The following KAZN variants were observed in gnomAD, a reference collection of about 807,000 sequenced individuals.
The protein encoded by KAZN is kazrin.
A neutral mutation model predicts 87.4 loss-of-function variants in KAZN; 40 were observed. The ratio of observed to expected loss-of-function variants is 0.46; its 90% CI spans 0.36 to 0.60. The LOEUF is 0.60. Ranked by LOEUF, KAZN falls within the 20% of genes least tolerant of loss-of-function variation. The pLI is 0.00. For missense variants in KAZN, 898 were observed against 1,073.9 expected (o/e 0.84, Z 2.29); for synonymous variants, 466 against 458.3 (o/e 1.02, Z -0.22).
At chr1:14,297,189 T>C (rs534874423) in intron 2 of KAZN, among the ~76,000 whole-genome samples, 23 of 152,300 alleles carry the variant, frequency 1.5e-4, no homozygotes, top group African/African-American at 2.9e-4. Flanking sequence ...CAGTGGCACA[T>C]CCTTGTCAGG....
At chr1:14,103,387 A>C (rs1479625971) in intron 1 of KAZN, among the ~76,000 whole-genome samples, 1 of 152,226 alleles carries the variant, frequency 6.6e-6, no homozygotes, top group Non-Finnish European at 1.5e-5. Flanking sequence ...GAAAGGAGAC[A>C]CAATTCAGCC....
At chr1:14,535,580 C>T (rs968398525) in intron 2 of KAZN, among the ~76,000 whole-genome samples, 1 of 151,922 alleles carries the variant, frequency 6.6e-6, no homozygotes, top group Admixed American at 6.6e-5. Flanking sequence ...GCAGGAGAAT[C>T]GCTTGAACCA....
At chr1:14,739,759 A>G (rs549429205) in intron 1 of KAZN, among the ~76,000 whole-genome samples, 4 of 152,246 alleles carry the variant, frequency 2.6e-5, no homozygotes, top group African/African-American at 9.6e-5. Flanking sequence ...ATTCAAAAAA[A>G]GTGGAAAGCT....
chr1:14,507,984 A>G (rs1244374304), intron 2 of KAZN, among the ~76,000 whole-genome samples: 1 of 151,558 alleles, frequency 6.6e-6, no homozygotes, highest in Non-Finnish European at 1.5e-5. Context: ...TAAATAAAAA[A>G]AAAAAAAATG....
At chr1:14,793,867 C>G (rs916437889) in intron 1 of KAZN, among the ~76,000 whole-genome samples, 22 of 152,200 alleles carry the variant, frequency 1.4e-4, no homozygotes, top group African/African-American at 5.3e-4. Flanking sequence ...CCGGGTGGCT[C>G]CTCCTCTGGC....
At chr1:15,036,617 G>A (rs988670011) in intron 3 of KAZN, among the ~76,000 whole-genome samples, 4 of 152,072 alleles carry the variant, frequency 2.6e-5, no homozygotes. Context: ...TGGGCCTGGG[G>A]TCCGCTCCTT....
At chr1:14,926,732 G>C (rs1659209387) in intron 1 of KAZN, among the ~76,000 whole-genome samples, 1 of 152,208 alleles carries the variant, frequency 6.6e-6, no homozygotes, top group Non-Finnish European at 1.5e-5. Context: ...AAAGCTGCAA[G>C]CTGAACTTGT....
At chr1:14,932,485 GC>G (rs1381202775) in intron 1 of KAZN, among the ~76,000 whole-genome samples, 1 of 152,200 alleles carries the variant, frequency 6.6e-6, no homozygotes, top group Non-Finnish European at 1.5e-5. Flanking sequence ...CTGCATGGTA[GC>G]CCCTGGGCTT....
chr1:14,950,492 G>A (rs545989399), intron 1 of KAZN, among the ~76,000 whole-genome samples: 4 of 152,258 alleles, frequency 2.6e-5, no homozygotes, highest in African/African-American at 7.2e-5. Flanking sequence ...ACCTCTCCCC[G>A]AAGGCTCAGG....
chr1:14,361,085 T>G (rs1298118741), intron 2 of KAZN, among the ~76,000 whole-genome samples: 1 of 152,216 alleles, frequency 6.6e-6, no homozygotes, highest in Non-Finnish European at 1.5e-5. Flanking sequence ...GAGTTTTATC[T>G]ATAGGCCCGA....
In KAZN at chr1:14,924,571, C is replaced by G. The variant is rs1421969204; in HGVS notation, c.227-36113C>G. 8.9e-5 allele frequency: 90 copies of G among 1,010,120 alleles called. No individual in the cohort carries two copies. The Middle Eastern group carries it at 1.5e-3, about 16-fold the overall frequency. 62.6% of individuals were successfully genotyped at this position (1,010,120 alleles called of 1,614,324 possible). ...GAGCGGATGGCGACTGCAGCCAGCC[C>G]GGTAGGTGCGCGCGGGGCGGGGCGG... is the stretch of plus-strand genomic sequence containing the variant. On this transcript the variant is annotated intron_variant, in intron 1 of 14. Transcript: ENST00000376030.
chr1:13,965,710 T>C (rs940776515), intron 1 of KAZN, among the ~76,000 whole-genome samples: 1 of 152,206 alleles, frequency 6.6e-6, no homozygotes, highest in African/African-American at 2.4e-5. Context: ...CGACTTCTGC[T>C]GTGAAGTCAA....
intron 2 of KAZN, among the ~76,000 whole-genome samples, chr1:14,405,606 A>ATATGTGTGTGTG (rs760881462): frequency 4.8e-4 from 65 of 136,324 alleles, no homozygotes; most frequent in African/African-American, 1.7e-3. Context: ...ACCCAATAAA[A>ATATGTGTGTGTG]TGTGTGTGTG....
At chr1:14,422,989 G>C (rs1242905186) in intron 2 of KAZN, among the ~76,000 whole-genome samples, 2 of 152,218 alleles carry the variant, frequency 1.3e-5, no homozygotes, top group Non-Finnish European at 2.9e-5. Flanking sequence ...CACAGCAATA[G>C]TTTATTAACT....
At chr1:14,060,925 G>A (rs1236108086) in intron 1 of KAZN, among the ~76,000 whole-genome samples, 1 of 152,226 alleles carries the variant, frequency 6.6e-6, no homozygotes, top group African/African-American at 2.4e-5. Flanking sequence ...GCCTGCAGTG[G>A]TGGATAGTGC....
intron 2 of KAZN, among the ~76,000 whole-genome samples, chr1:14,195,052 A>T (rs993793573): frequency 6.6e-6 from 1 of 152,218 alleles, no homozygotes; most frequent in Non-Finnish European, 1.5e-5. Flanking sequence ...TCAGCCAACA[A>T]TCAACCCTTC....
intron 1 of KAZN, among the ~76,000 whole-genome samples, chr1:14,830,304 G>T (rs1381314124): frequency 1.3e-5 from 2 of 152,168 alleles, no homozygotes; most frequent in African/African-American, 4.8e-5. Context: ...AGGGAAAAAT[G>T]ACAGTCCCAG....
At chr1:14,956,889 C>T (rs1663179315) in intron 1 of KAZN, among the ~76,000 whole-genome samples, 1 of 152,172 alleles carries the variant, frequency 6.6e-6, no homozygotes, top group Admixed American at 6.5e-5. Context: ...TCCTCCTGTT[C>T]TTCCTCACCT....
chr1:14,040,732 T>G (rs1462853807), intron 1 of KAZN, among the ~76,000 whole-genome samples: 1 of 151,834 alleles, frequency 6.6e-6, no homozygotes, highest in East Asian at 1.9e-4. Flanking sequence ...ACCACTGCAC[T>G]CTAGCCTGGG....
Sources: allele counts gnomAD v4.1 joint callset (sites outside exome capture counted in the v4.1 genomes callset), GRCh38; gene constraint gnomAD v4.1.1; transcripts MANE v1.5; gene names NCBI Gene and HGNC (gene_info 2026-07-23, HGNC 2026-07-21).